The following ELN variants were observed in gnomAD, a reference collection of about 807,000 sequenced individuals.
The protein encoded by ELN is tropoelastin.
In ELN, 65 loss-of-function variants were observed where a neutral mutation model predicts 105.8. That is an observed-to-expected ratio of 0.61 (90% confidence interval 0.50 to 0.75). The LOEUF is 0.75. Ranked by LOEUF, ELN falls within the 30% of genes least tolerant of loss-of-function variation. ELN has a pLI of 0.00. For synonymous variants in ELN, 368 were observed against 389.2 expected, an observed-to-expected ratio of 0.95 and a Z score of 0.64; for missense variants, 882 against 969.4, an observed-to-expected ratio of 0.91 and a Z score of 1.20.
chr7:74,061,171 C>G, intron 26 of ELN, 32 bp downstream of exon 26: 7 of 1,613,758 alleles, frequency 4.3e-6, no homozygotes, highest in Non-Finnish European at 5.9e-6. Context: ...TTGTGGCTCC[C>G]TTGCCACCAC....
At chr7:74,045,134 G>A (rs1792162098) in intron 9 of ELN, 88 bp from the exon 10 acceptor site, 6 of 1,499,012 alleles carry the variant, frequency 4.0e-6, no homozygotes, top group Non-Finnish European at 4.6e-6. Context: ...CCCAAGGGAG[G>A]TCAGCTGGGG....
Position 74,069,617 on chromosome 7 carries a change from C to G in ELN, c.*917C>G, listed in dbSNP as rs1361157081. 6 of 233,478 alleles carry G rather than the reference C, an allele frequency of 2.6e-5. No homozygotes were observed. The highest frequency in any genetic ancestry group is 5.6e-5 in the Admixed American group (1 of 17,770). 14.5% of individuals were successfully genotyped at this position (233,478 alleles called of 1,614,324 possible). A position where few individuals can be genotyped will look rare whatever the true frequency, so the allele number is the denominator to read the frequency against. On this transcript the variant is annotated 3_prime_UTR_variant, in exon 33 of 33. Transcript: ENST00000252034. ...ACTTCAGAGCAGTTCCCATTCCTGC[C>G]CCGCCCATCTTTTTGTGTCTCGCTG...
chr7:74,058,112 CCTT>C (rs1266454776), intron 22 of ELN, among the ~76,000 whole-genome samples: 1 of 150,946 alleles, frequency 6.6e-6, no homozygotes, highest in East Asian at 2.0e-4. Flanking sequence ...CCCTCCTCCT[CCTT>C]CTCATTCTTC....
intron 15 of ELN, among the ~76,000 whole-genome samples, chr7:74,050,139 TTCCATCCATCCATCCA>T (rs147069067): frequency 3.1e-5 from 4 of 127,382 alleles, no homozygotes; most frequent in Non-Finnish European, 5.0e-5. Context: ...CCATGCATCC[TTCCATCCATCCATCCA>T]TCCATCCATC....
chr7:74,052,018 G>A (rs372354102), intron 17 of ELN, 35 bp downstream of exon 17: 23 of 1,611,342 alleles, frequency 1.4e-5, no homozygotes, highest in Non-Finnish European at 1.9e-5. Flanking sequence ...TCCACGGCTC[G>A]GGCCCCTGCA....
intron 18 of ELN, among the ~76,000 whole-genome samples, chr7:74,054,393 C>T (rs571718717): frequency 2.4e-4 from 36 of 150,864 alleles, no homozygotes; most frequent in African/African-American, 8.1e-4. Flanking sequence ...GTGCTTGAAC[C>T]GGGGAGGCGG....
chr7:74,061,035 A>G lies in ELN; in HGVS notation c.1748-66A>G. 2.5e-6 allele frequency: 4 copies of G among 1,594,956 alleles called. No homozygotes were observed. In the South Asian group the frequency reaches 4.4e-5, roughly 18 times the overall value. Reference sequence around the variant, plus strand: ...GAAGTCAGGGAGGGCTCTCTAGAGGAGGCGGCAGAACTCCCAGGCACAGAG... The same window carrying G: ...GAAGTCAGGGAGGGCTCTCTAGAGGGGGCGGCAGAACTCCCAGGCACAGAG... On this transcript the variant is annotated intron_variant, in intron 25 of 32. Coordinates refer to ENST00000252034, the MANE Select transcript of ELN (RefSeq NM_000501.4).
rs117236340 is a variant in ELN, at chr7:74,050,980, A to G, written c.800-770A>G. ...TAAGCATTTAAAATATTTAATAGTT[A>G]TGTATCAATTTAATGTGTACTATAA... On this transcript the variant is annotated intron_variant, in intron 15 of 32. Coordinates refer to ENST00000252034, the MANE Select transcript of ELN (RefSeq NM_000501.4). Among the ~76,000 whole-genome samples, 1,020 of 152,292 alleles carry G rather than the reference A, an allele frequency of 6.7e-3. 3 individuals carry two copies. The highest frequency in any genetic ancestry group is 9.9e-3 in the Non-Finnish European group (675 of 68,016).
Position 74,066,651 on chromosome 7 carries a change from G to A in ELN, c.2087-81G>A. On this transcript the variant is annotated intron_variant, in intron 31 of 32. Transcript: ENST00000252034. ...GTGATCCCAGACAGAGGTCTTGGGT[G>A]AGCCAGTGCAGGCAGAAAGTGATGA... is the stretch of plus-strand genomic sequence containing the variant. 5.0e-6 allele frequency: 7 copies of A among 1,396,392 alleles called. No homozygotes were observed. The South Asian group carries it at 6.9e-5, about 14-fold the overall frequency. 86.5% of individuals were successfully genotyped at this position (1,396,392 alleles called of 1,614,324 possible).
At chr7:74,035,341 T>G (rs530703613) in intron 1 of ELN, 23 bp from the exon 2 acceptor site, 1 of 1,613,740 alleles carries the variant, frequency 6.2e-7, no homozygotes, top group African/African-American at 1.3e-5. Context: ...CCTGGAGGAC[T>G]GACTCTACCT....
In ELN at chr7:74,037,914, C is replaced by T; in HGVS notation, c.196+175C>T. On this transcript the variant is annotated intron_variant, in intron 4 of 32. Coordinates refer to ENST00000252034, the MANE Select transcript of ELN (RefSeq NM_000501.4). ...CTCCCAAGGATGAGTAGGCCGGGGC[C>T]AGGTCCCAGGGCTTCCAGGAACAAG... is the stretch of plus-strand genomic sequence containing the variant. 8 of 900,186 alleles carry T rather than the reference C, an allele frequency of 8.9e-6. No individual in the cohort carries two copies. In the South Asian group the frequency reaches 1.2e-4, roughly 14 times the overall value. The allele number at this position is 900,186 out of a possible 1,614,324, so 55.8% of individuals were successfully genotyped here.
chr7:74,052,887 GAGAAAGAA>G (rs542395457), intron 17 of ELN: 22 of 502,512 alleles, frequency 4.4e-5, no homozygotes, highest in African/African-American at 3.5e-4. Context: ...GAGAGAGAGA[GAGAAAGAA>G]AGAAAGAAAG....
At chr7:74,061,645 G>A (rs1796685804) in intron 26 of ELN, among the ~76,000 whole-genome samples, 1 of 152,002 alleles carries the variant, frequency 6.6e-6, no homozygotes, top group South Asian at 2.1e-4. Flanking sequence ...GAGCGAGACT[G>A]TATCTCAAAA....
Position 74,063,651 on chromosome 7 carries a change from T to C in ELN, c.1949T>C (p.Leu650Pro). 1 of 1,614,182 alleles carries C rather than the reference T, an allele frequency of 6.2e-7. No homozygotes were observed. Among genetic ancestry groups the C allele is most frequent in the Non-Finnish European group, 8.5e-7 (1 of 1,180,026 alleles). ...GLVGAAGLGG[L>P]GVGGLGVPGV... ...GTGGGAGCCGCTGGGCTCGGAGGAC[T>C]CGGAGTCGGAGGGCTTGGAGTTCCA... The change falls in exon 29 of 33, where the codon CTC (leucine) becomes CCC (proline). Residue 650 changes from leucine (L) to proline (P), a missense_variant. Physicochemically the swap from Leu to Pro is moderately conservative, Grantham distance 98. Coordinates refer to ENST00000252034, the MANE Select transcript of ELN (RefSeq NM_000501.4). This position sits in a 1 kb window ranked among gnomAD's most constrained non-coding sequence, Gnocchi z 4.1.
At chr7:74,067,474 G>T (rs1385212000) in intron 32 of ELN, among the ~76,000 whole-genome samples, 2 of 151,456 alleles carry the variant, frequency 1.3e-5, no homozygotes, top group Non-Finnish European at 2.9e-5. Flanking sequence ...CACCATATTG[G>T]CCAGGCTGGT....
intron 29 of ELN, among the ~76,000 whole-genome samples, chr7:74,064,104 T>TA (rs1192710845): frequency 4.2e-4 from 54 of 129,518 alleles, no homozygotes; most frequent in South Asian, 4.9e-4. Context: ...CCCTGTCATC[T>TA]AAAAAAAAAA....
intron 8 of ELN, chr7:74,043,656 G>T (rs764129161): frequency 1.2e-5 from 8 of 659,510 alleles, no homozygotes; most frequent in Non-Finnish European, 5.4e-6. Context: ...ATGTAAACAG[G>T]CTCCAGGAGA....
chr7:74,060,921 A>G (rs1796503426), intron 25 of ELN, among the ~76,000 whole-genome samples, 180 bp from the exon 26 acceptor site: 1 of 152,160 alleles, frequency 6.6e-6, no homozygotes, highest in African/African-American at 2.4e-5. Context: ...GAGAGAAGGA[A>G]GGGGCAGACG....
chr7:74,061,460 TG>T (rs1331983404), intron 26 of ELN, among the ~76,000 whole-genome samples: 2 of 152,074 alleles, frequency 1.3e-5, no homozygotes, highest in African/African-American at 4.8e-5. Flanking sequence ...CAGACCAGCC[TG>T]ACCAATATGG....
Sources: allele counts gnomAD v4.1 joint callset (sites outside exome capture counted in the v4.1 genomes callset), GRCh38; gene constraint gnomAD v4.1.1; non-coding constraint Gnocchi (gnomAD v3.1); transcripts MANE v1.5; gene names NCBI Gene and HGNC (gene_info 2026-07-23, HGNC 2026-07-21).